EXOC6B: variants seen among roughly 807,000 people sequenced by gnomAD.
EXOC6B encodes SEC15 homolog B.
EXOC6B carries 54 observed loss-of-function variants against 113.5 expected under a neutral mutation model. That is an observed-to-expected ratio of 0.48 (90% confidence interval 0.38 to 0.60). EXOC6B has a LOEUF of 0.60. Among genes scored for constraint, EXOC6B ranks in the 20% least tolerant of loss-of-function variants. EXOC6B has a pLI of 0.00. For synonymous variants in EXOC6B, 357 were observed against 339.0 expected (o/e 1.05, Z -0.58); for missense variants, 797 against 977.5 (o/e 0.82, Z 2.46).
rs1699991986 is a variant in EXOC6B, at chr2:72,495,548, G to C, written c.1444-9C>G. On this transcript the variant is annotated splice_polypyrimidine_tract_variant and intron_variant, in intron 14 of 21. Transcript: ENST00000272427. The stretch of plus-strand genomic sequence containing the variant: ...TTTTTTGGAAATGGTTGCTGTAAAT[G>C]CAAGAAGTAATGAAATCAAGTCACA... The C allele has an allele frequency of 6.9e-7, 1 of 1,456,316 alleles. No homozygotes were observed. Among genetic ancestry groups the C allele is most frequent in the Admixed American group, 1.8e-5 (1 of 56,872 alleles). 90.2% of individuals were successfully genotyped at this position (1,456,316 alleles called of 1,614,324 possible). A position where few individuals can be genotyped will look rare whatever the true frequency, so the allele number is the denominator to read the frequency against.
intron 19 of EXOC6B, among the ~76,000 whole-genome samples, chr2:72,364,443 T>C (rs1690493567): frequency 6.6e-6 from 1 of 152,140 alleles, no homozygotes; most frequent in Non-Finnish European, 1.5e-5. Context: ...CCTTCAAATG[T>C]TGGCTTCAAT....
At position 72,675,761 on chromosome 2, in the gene EXOC6B, T is replaced by G. The variant is rs151313864; in HGVS notation, c.669+42342A>C. Among the ~76,000 whole-genome samples the G allele has an allele frequency of 1.1e-4, 17 of 151,872 alleles. No homozygotes were observed. The East Asian group carries it at 3.3e-3, about 29-fold the overall frequency. ...GTGAGCCAAGATCACACCACTGCACTCTAGCCTGGGTGACAAAGTGAGACC... is the reference window on the plus strand; with the variant it reads ...GTGAGCCAAGATCACACCACTGCACGCTAGCCTGGGTGACAAAGTGAGACC... On this transcript the variant is annotated intron_variant, in intron 6 of 21. Coordinates refer to ENST00000272427, the MANE Select transcript of EXOC6B (RefSeq NM_015189.3).
intron 18 of EXOC6B, among the ~76,000 whole-genome samples, chr2:72,390,200 A>T (rs1302487885): frequency 6.6e-6 from 1 of 152,164 alleles, no homozygotes; most frequent in Non-Finnish European, 1.5e-5. Context: ...GCTAATTTCT[A>T]CTAATACAAT....
intron 12 of EXOC6B, 87 bp downstream of exon 12, chr2:72,499,813 CA>C (rs1392842337): frequency 5.6e-6 from 5 of 890,666 alleles, no homozygotes; most frequent in Non-Finnish European, 8.9e-6. Flanking sequence ...TGATTACAGG[CA>C]AAAGCCACCA....
At chr2:72,571,090 A>G (rs927296838) in intron 7 of EXOC6B, among the ~76,000 whole-genome samples, 2 of 152,174 alleles carry the variant, frequency 1.3e-5, no homozygotes, top group Non-Finnish European at 2.9e-5. Flanking sequence ...CTCAAAATTG[A>G]TATTCCTGAT....
intron 20 of EXOC6B, among the ~76,000 whole-genome samples, chr2:72,245,953 T>G (rs1682627563): frequency 6.6e-6 from 1 of 152,258 alleles, no homozygotes; most frequent in South Asian, 2.1e-4. Context: ...GTGCCTTGCT[T>G]AAATTCCATT....
intron 21 of EXOC6B, among the ~76,000 whole-genome samples, chr2:72,182,618 A>G (rs1408970143): frequency 2.0e-5 from 3 of 152,082 alleles, no homozygotes; most frequent in Non-Finnish European, 2.9e-5. Context: ...TGTGCCAAGA[A>G]GCTGAATGGG....
intron 1 of EXOC6B, among the ~76,000 whole-genome samples, chr2:72,800,037 C>T (rs1287574011): frequency 1.3e-5 from 2 of 151,950 alleles, no homozygotes; most frequent in Admixed American, 1.3e-4. Flanking sequence ...TGCACTCTAG[C>T]CTGGGCAACA....
At chr2:72,234,694 G>A (rs1051563658) in intron 20 of EXOC6B, among the ~76,000 whole-genome samples, 1 of 151,920 alleles carries the variant, frequency 6.6e-6, no homozygotes, top group East Asian at 1.9e-4. Flanking sequence ...GAATCTATAG[G>A]GAACATAAAT....
chr2:72,821,645 T>G (rs1033747645), intron 1 of EXOC6B, among the ~76,000 whole-genome samples: 1 of 151,976 alleles, frequency 6.6e-6, no homozygotes, highest in African/African-American at 2.4e-5. Flanking sequence ...AAAAAGAAAT[T>G]AAGTACTGAT....
At chr2:72,378,216 C>T (rs1055387665) in intron 19 of EXOC6B, among the ~76,000 whole-genome samples, 3 of 152,240 alleles carry the variant, frequency 2.0e-5, no homozygotes, top group Non-Finnish European at 2.9e-5. Context: ...ATGTTTTTAC[C>T]GAAGACTCAA....
intron 6 of EXOC6B, among the ~76,000 whole-genome samples, chr2:72,688,449 C>T (rs1250816528): frequency 1.3e-5 from 2 of 151,932 alleles, no homozygotes; most frequent in Non-Finnish European, 2.9e-5. Context: ...AGAGGTATTC[C>T]ACACCATCCT....
At chr2:72,577,328 A>C (rs950286211) in intron 6 of EXOC6B, among the ~76,000 whole-genome samples, 2 of 152,016 alleles carry the variant, frequency 1.3e-5, no homozygotes, top group African/African-American at 4.8e-5. Flanking sequence ...GTTCTTCCCC[A>C]CTTACTTCCA....
intron 1 of EXOC6B, among the ~76,000 whole-genome samples, chr2:72,804,221 G>A (rs566083712): frequency 1.3e-5 from 2 of 152,238 alleles, no homozygotes; most frequent in South Asian, 2.1e-4. Flanking sequence ...GCATTTTCCT[G>A]CAGACTCATT....
chr2:72,636,376 GGAAGC>G (rs1672830602), intron 6 of EXOC6B, among the ~76,000 whole-genome samples: 5 of 142,474 alleles, frequency 3.5e-5, no homozygotes, highest in African/African-American at 1.2e-4. Flanking sequence ...AAGGAAGCAA[GGAAGC>G]AAGGAAGGGA....
At chr2:72,374,391 TC>T (rs1393213007) in intron 19 of EXOC6B, among the ~76,000 whole-genome samples, 1 of 152,154 alleles carries the variant, frequency 6.6e-6, no homozygotes, top group African/African-American at 2.4e-5. Context: ...GTAACAGTGA[TC>T]CTGTTATTTT....
At chr2:72,452,493 T>C (rs1455452805) in intron 18 of EXOC6B, among the ~76,000 whole-genome samples, 1 of 152,016 alleles carries the variant, frequency 6.6e-6, no homozygotes, top group Non-Finnish European at 1.5e-5. Flanking sequence ...AAATCAAACC[T>C]TGGGGTATGA....
At chr2:72,436,198 T>C (rs1269681333) in intron 18 of EXOC6B, among the ~76,000 whole-genome samples, 1 of 152,236 alleles carries the variant, frequency 6.6e-6, no homozygotes, top group Non-Finnish European at 1.5e-5. Flanking sequence ...TTGAAAATTC[T>C]TTTCTTTAAA....
intron 18 of EXOC6B, among the ~76,000 whole-genome samples, chr2:72,421,546 A>G (rs1391963514): frequency 6.6e-6 from 1 of 152,240 alleles, no homozygotes; most frequent in Non-Finnish European, 1.5e-5. Flanking sequence ...ATCTTGTCAC[A>G]TATGAAAAGA....
Sources: gnomAD v4.1 joint callset for allele counts (sites outside exome capture counted in the v4.1 genomes callset) on GRCh38, gnomAD v4.1.1 for gene constraint, MANE v1.5 for transcripts, NCBI Gene and HGNC (gene_info 2026-07-23, HGNC 2026-07-21) for gene names.